Variants in CARD6 observed in about 807,000 individuals in gnomAD.
CARD6 encodes caspase recruitment domain family member 6.
Under a neutral mutation model 23.6 loss-of-function variants are expected in CARD6, and 27 were observed. The ratio of observed to expected loss-of-function variants is 1.14; its 90% CI spans 0.84 to 1.58. CARD6 has a LOEUF of 1.58. CARD6 is among the 40% of genes most tolerant of loss of function. CARD6 has a pLI of 0.00. For synonymous variants in CARD6, 397 were observed against 431.8 expected (o/e 0.92, Z 1.00); for missense variants, 1,214 against 1,209.9 (o/e 1.00, Z -0.05).
rs1561216692 is a variant in CARD6 at position 40,853,284 on chromosome 5, G to C, written c.1952G>C (p.Arg651Thr). Residue 651 changes from arginine to threonine, a missense_variant, in exon 3 of 3, where the codon AGG becomes ACG. Coordinates refer to ENST00000254691, the MANE Select transcript of CARD6 (RefSeq NM_032587.4). ...VSVEDMAALA[R>T]ELGIQVDEDF... is the part of the protein sequence containing the mutation. The stretch of plus-strand genomic sequence containing the variant: ...GTGGAGGATATGGCCGCCCTGGCCA[G>C]GGAGCTGGGGATTCAGGTAGATGAA... The C allele has an allele frequency of 6.2e-7, 1 of 1,614,200 alleles. No individual in the cohort carries two copies. The highest frequency in any genetic ancestry group is 8.5e-7 in the Non-Finnish European group (1 of 1,180,044).
rs747989764 is a variant in CARD6, at chr5:40,843,226, C to T, written c.358C>T (p.Pro120Ser). ...CAGTAATTCAGAAGATGCTTTTTCT[C>T]CTGGAATAAAACAGCCTGAAGCCCC... ...ASSNSEDAFS[P>S]GIKQPEAPEI... The change falls in exon 2 of 3, where the codon CCT (proline) becomes TCT (serine). Residue 120 changes from proline (P) to serine (S), a missense_variant. By Grantham distance (74) the Pro-to-Ser change is moderately conservative (BLOSUM62 -1). Transcript: ENST00000254691. 2 of 1,613,412 alleles carry T rather than the reference C, an allele frequency of 1.2e-6. No individual in the cohort carries two copies. Among genetic ancestry groups the T allele is most frequent in the Non-Finnish European group, 1.7e-6 (2 of 1,179,788 alleles).
chr5:40,843,013 C>T (rs1191420795), intron 1 of CARD6, 139 bp from the exon 2 acceptor site: 7 of 628,428 alleles, frequency 1.1e-5, no homozygotes, highest in Non-Finnish European at 1.8e-5. Flanking sequence ...ACTCCAGCCT[C>T]GGCAACAAGA....
intron 2 of CARD6, among the ~76,000 whole-genome samples, chr5:40,846,934 C>A (rs1229243943): frequency 6.6e-6 from 1 of 152,042 alleles, no homozygotes; most frequent in African/African-American, 2.4e-5. Context: ...AGTCTCAAAG[C>A]CAGGTTTAGG....
Position 40,841,388 on chromosome 5 carries a change from T to C in CARD6, c.6T>C (p.Ala2=), listed in dbSNP as rs751692404. The part of the protein sequence containing the change: M[A]TESTPSEIIE... ...GTTTAGAGGAAACAGGAACAATGGC[T>C]ACCGAGAGTACTCCCTCAGAGATCA... is the stretch of plus-strand genomic sequence containing the variant. Residue 2 remains alanine, a synonymous_variant, in exon 1 of 3, where the codon GCT becomes GCC. Transcript: ENST00000254691. The C allele has an allele frequency of 1.1e-5, 18 of 1,595,800 alleles. 1 individual carries two copies. The highest frequency in any genetic ancestry group is 4.5e-5 in the East Asian group (2 of 44,722).
rs1431299020 is a variant in CARD6, at chr5:40,855,238, A to C, written c.*792A>C. On this transcript the variant is annotated 3_prime_UTR_variant, in exon 3 of 3. Coordinates refer to ENST00000254691, the MANE Select transcript of CARD6 (RefSeq NM_032587.4). Reference sequence around the variant, plus strand: ...TAACCCTGCTTATTTGGTGTGGTTAAATCAACTAGCTTCTGCTAATAGCCC... The same window carrying C: ...TAACCCTGCTTATTTGGTGTGGTTACATCAACTAGCTTCTGCTAATAGCCC... 1 of 152,362 alleles carries C rather than the reference A, an allele frequency of 6.6e-6. No individual in the cohort carries two copies. Among genetic ancestry groups the C allele is most frequent in the Non-Finnish European group, 1.5e-5 (1 of 68,030 alleles). 9.4% of individuals were successfully genotyped at this position (152,362 alleles called of 1,614,324 possible). A position where few individuals can be genotyped will look rare whatever the true frequency, so the allele number is the denominator to read the frequency against.
At position 40,852,165 on chromosome 5, in the gene CARD6, C is replaced by T. The variant is rs1368579613; in HGVS notation, c.842-9C>T. The T allele has an allele frequency of 5.2e-6, 8 of 1,552,760 alleles. No homozygotes were observed. The highest frequency in any genetic ancestry group is 7.1e-6 in the Non-Finnish European group (8 of 1,133,572). On this transcript the variant is annotated splice_polypyrimidine_tract_variant and intron_variant, in intron 2 of 2. Coordinates refer to ENST00000254691, the MANE Select transcript of CARD6 (RefSeq NM_032587.4). ...AACATGGCATTCACTATTATCTTCT[C>T]TCCTACAGAAAGAAAAAAGGTGTTT... is the stretch of plus-strand genomic sequence containing the variant.
chr5:40,853,994 A>G lies in CARD6; in HGVS notation c.2662A>G (p.Thr888Ala), dbSNP rs1440152961. 1.2e-6 allele frequency: 2 copies of G among 1,614,198 alleles called. No individual in the cohort carries two copies. Among genetic ancestry groups the G allele is most frequent in the Non-Finnish European group, 1.7e-6 (2 of 1,180,038 alleles). Residue 888 changes from threonine to alanine, a missense_variant, in exon 3 of 3, where the codon ACA (threonine) becomes GCA (alanine). Physicochemically the swap from Thr to Ala is moderately conservative, Grantham distance 58. Coordinates refer to ENST00000254691, the MANE Select transcript of CARD6 (RefSeq NM_032587.4). ...LTEATGKLIR[T>A]SHIGKPHPQS... ...TGAAGCAACTGGAAAACTGATAAGA[A>G]CATCCCATATTGGAAAGCCTCACCC...
chr5:40,844,787 AAC>A (rs1419237883), intron 2 of CARD6, among the ~76,000 whole-genome samples: 1 of 152,146 alleles, frequency 6.6e-6, no homozygotes, highest in East Asian at 1.9e-4. Flanking sequence ...TTAAACAATA[AAC>A]ACAGATTTCT....
rs758170017 is a variant in CARD6 at position 40,852,827 on chromosome 5, C to A, written c.1495C>A (p.Gln499Lys). The change falls in exon 3 of 3, where the codon CAA becomes AAA. Residue 499 changes from glutamine to lysine, a missense_variant. Transcript: ENST00000254691. ...TTTGCCTCTTTTGGTGCTTCCCCGG[C>A]AAATCTCTGATGGCCTGGTTGAGAT... ...QDLPLLVLPR[Q>K]ISDGLVEITW... 15 of 1,614,042 alleles carry A rather than the reference C, an allele frequency of 9.3e-6. No individual in the cohort carries two copies. The highest frequency in any genetic ancestry group is 1.2e-5 in the Non-Finnish European group (14 of 1,180,042).
chr5:40,853,310 G>C lies in CARD6; in HGVS notation c.1978G>C (p.Asp660His), dbSNP rs561928532. The change falls in exon 3 of 3, where the codon GAC becomes CAC. Residue 660 changes from aspartate to histidine, a missense_variant. Physicochemically the swap from Asp to His is moderately conservative, Grantham distance 81. Coordinates refer to ENST00000254691, the MANE Select transcript of CARD6 (RefSeq NM_032587.4). ...GGAGCTGGGGATTCAGGTAGATGAA[G>C]ACTTTGAAAACACTCAGAGAATTCA... Reference protein sequence around the residue: ...ARELGIQVDEDFENTQRIQVS... With the variant: ...ARELGIQVDEHFENTQRIQVS... 6.2e-7 allele frequency: 1 copy of C among 1,614,188 alleles called. No homozygotes were observed. The highest frequency in any genetic ancestry group is 2.2e-5 in the East Asian group (1 of 44,882).
chr5:40,853,273 C>T lies in CARD6; in HGVS notation c.1941C>T (p.Ala647=), dbSNP rs574782133. 3.2e-5 allele frequency: 52 copies of T among 1,614,020 alleles called. No homozygotes were observed. The highest frequency in any genetic ancestry group is 1.5e-4 in the Admixed American group (9 of 59,988). The change falls in exon 3 of 3, where the codon GCC becomes GCT. Residue 647 remains alanine (A), a synonymous_variant. Coordinates refer to ENST00000254691, the MANE Select transcript of CARD6 (RefSeq NM_032587.4). ...CLRCVSVEDM[A]ALARELGIQV... ...GATGTGTGTCTGTGGAGGATATGGCCGCCCTGGCCAGGGAGCTGGGGATTC... is the reference window on the plus strand; with the variant it reads ...GATGTGTGTCTGTGGAGGATATGGCTGCCCTGGCCAGGGAGCTGGGGATTC...
At chr5:40,846,224 G>T (rs989480224) in intron 2 of CARD6, among the ~76,000 whole-genome samples, 2 of 152,010 alleles carry the variant, frequency 1.3e-5, no homozygotes, top group Non-Finnish European at 2.9e-5. Flanking sequence ...TGTTGGCCAG[G>T]CTGGTCTCGA....
intron 2 of CARD6, among the ~76,000 whole-genome samples, chr5:40,848,559 A>G (rs1395171382): frequency 1.3e-5 from 2 of 152,080 alleles, no homozygotes; most frequent in African/African-American, 4.8e-5. Context: ...GTCATTTTGG[A>G]TTCAGTGTCC....
intron 2 of CARD6, among the ~76,000 whole-genome samples, chr5:40,848,591 T>C (rs561040698): frequency 2.4e-4 from 36 of 152,218 alleles, no homozygotes; most frequent in Non-Finnish European, 4.6e-4. Context: ...GTTACATTTC[T>C]TGTTTCTTCC....
At chr5:40,846,249 G>A (rs903036343) in intron 2 of CARD6, among the ~76,000 whole-genome samples, 1 of 152,166 alleles carries the variant, frequency 6.6e-6, no homozygotes, top group Admixed American at 6.5e-5. Context: ...TTGACCTCAG[G>A]TGATCCACCC....
chr5:40,843,259 A>G lies in CARD6; in HGVS notation c.391A>G (p.Thr131Ala). ...GIKQPEAPEI[T>A]VFFSEKEHLD... ...AAAACAGCCTGAAGCCCCTGAGATC[A>G]CAGTGTTCTTCAGTGAGAAGGAACA... The change falls in exon 2 of 3, where the codon ACA becomes GCA. Residue 131 changes from threonine (T) to alanine (A), a missense_variant. Physicochemically the swap from Thr to Ala is moderately conservative, Grantham distance 58. Transcript: ENST00000254691. The G allele has an allele frequency of 6.2e-7, 1 of 1,614,034 alleles. No homozygotes were observed. Among genetic ancestry groups the G allele is most frequent in the Non-Finnish European group, 8.5e-7 (1 of 1,179,914 alleles).
chr5:40,851,781 A>C (rs1746070625), intron 2 of CARD6, among the ~76,000 whole-genome samples: 1 of 152,086 alleles, frequency 6.6e-6, no homozygotes, highest in Non-Finnish European at 1.5e-5. Flanking sequence ...GCTCCATTGC[A>C]CTCCAGCCTG....
chr5:40,850,109 T>A (rs1746031164), intron 2 of CARD6, among the ~76,000 whole-genome samples: 1 of 151,606 alleles, frequency 6.6e-6, no homozygotes. Context: ...CAGCAAGAGA[T>A]AAATTTAAGA....
In CARD6 at chr5:40,852,746, A is replaced by C; in HGVS notation, c.1414A>C (p.Asn472His). 1 of 1,613,896 alleles carries C rather than the reference A, an allele frequency of 6.2e-7. No individual in the cohort carries two copies. Among genetic ancestry groups the C allele is most frequent in the Non-Finnish European group, 8.5e-7 (1 of 1,179,904 alleles). The change falls in exon 3 of 3, where the codon AAC (asparagine) becomes CAC (histidine). Residue 472 changes from asparagine to histidine, a missense_variant. Physicochemically the swap from Asn to His is moderately conservative, Grantham distance 68. Coordinates refer to ENST00000254691, the MANE Select transcript of CARD6 (RefSeq NM_032587.4). The part of the protein sequence containing the change: ...YCSFSKSRIL[N>H]TLLSPAQLKL... The stretch of plus-strand genomic sequence containing the variant: ...TAGCTTCTCTAAGTCCAGAATCCTC[A>C]ACACACTTCTCAGCCCTGCCCAGTT...
Sources: allele counts gnomAD v4.1 joint callset (sites outside exome capture counted in the v4.1 genomes callset), GRCh38; gene constraint gnomAD v4.1.1; transcripts MANE v1.5; gene names NCBI Gene and HGNC (gene_info 2026-07-23, HGNC 2026-07-21).